Variants in PKNOX2 observed in about 807,000 individuals in gnomAD.
The protein encoded by PKNOX2 is homeobox protein PKNOX2.
PKNOX2 carries 14 observed loss-of-function variants against 53.1 expected under a neutral mutation model. That is an observed-to-expected ratio of 0.26 (90% confidence interval 0.17 to 0.41). The LOEUF is 0.41. Ranked by LOEUF, PKNOX2 falls within the 10% of genes least tolerant of loss-of-function variation. The probability of loss-of-function intolerance (pLI) is 1.00; values close to 1 mark genes in which losing one functional copy is unlikely to be tolerated. For missense variants in PKNOX2, 496 were observed against 602.8 expected, an observed-to-expected ratio of 0.82 and a Z score of 1.85; for synonymous variants, 257 against 242.8, an observed-to-expected ratio of 1.06 and a Z score of -0.54.
intron 2 of PKNOX2, among the ~76,000 whole-genome samples, chr11:125,265,236 G>A (rs1052420242): frequency 1.8e-4 from 27 of 151,520 alleles, no homozygotes; most frequent in African/African-American, 6.3e-4. Flanking sequence ...GCAGTGGGCC[G>A]AGATCGCACC....
At chr11:125,176,875 C>T (rs1452588136) in intron 1 of PKNOX2, among the ~76,000 whole-genome samples, 1 of 152,236 alleles carries the variant, frequency 6.6e-6, no homozygotes, top group African/African-American at 2.4e-5. Flanking sequence ...TCCCACATCC[C>T]CTGTCCCCCT....
intron 2 of PKNOX2, among the ~76,000 whole-genome samples, chr11:125,293,185 T>TAC (rs765058737): frequency 3.3e-5 from 5 of 151,932 alleles, no homozygotes; most frequent in Admixed American, 1.3e-4. Context: ...TAGAAATATT[T>TAC]ACACACACAC....
intron 4 of PKNOX2, among the ~76,000 whole-genome samples, chr11:125,359,161 G>A (rs988770181): frequency 5.1e-5 from 7 of 136,754 alleles, no homozygotes; most frequent in Non-Finnish European, 9.3e-5. Flanking sequence ...ACCATCAGGT[G>A]CGCTCAGGCA....
At chr11:125,201,697 G>C (rs997143125) in intron 1 of PKNOX2, among the ~76,000 whole-genome samples, 1 of 152,196 alleles carries the variant, frequency 6.6e-6, no homozygotes, top group Admixed American at 6.5e-5. Flanking sequence ...GAAAGCCCCA[G>C]ACTTCACCCC....
At chr11:125,377,010 C>T (rs1283518803) in intron 5 of PKNOX2, among the ~76,000 whole-genome samples, 1 of 152,184 alleles carries the variant, frequency 6.6e-6, no homozygotes, top group Non-Finnish European at 1.5e-5. Context: ...GGTTTGTTTT[C>T]CCAGCCAAAT....
intron 10 of PKNOX2, among the ~76,000 whole-genome samples, chr11:125,414,756 A>T (rs577027495): frequency 6.6e-6 from 1 of 152,190 alleles, no homozygotes; most frequent in African/African-American, 2.4e-5. Flanking sequence ...GAAAAAAAAA[A>T]AAAGAAGCTA....
At chr11:125,377,881 C>T (rs181491036) in intron 5 of PKNOX2, among the ~76,000 whole-genome samples, 4 of 152,194 alleles carry the variant, frequency 2.6e-5, no homozygotes, top group African/African-American at 7.2e-5. Context: ...ACCCATGGGC[C>T]GCGGGCTGGA....
intron 2 of PKNOX2, among the ~76,000 whole-genome samples, chr11:125,249,192 T>C (rs1237813840): frequency 6.6e-6 from 1 of 151,818 alleles, no homozygotes; most frequent in Non-Finnish European, 1.5e-5. Context: ...TCTTAGGACA[T>C]GGCAGGCACT....
chr11:125,282,616 C>T (rs1341663976), intron 2 of PKNOX2, among the ~76,000 whole-genome samples: 1 of 152,214 alleles, frequency 6.6e-6, no homozygotes, highest in Non-Finnish European at 1.5e-5. Context: ...TCTCTGTCAT[C>T]CAATGAGGGA....
chr11:125,188,523 G>A (rs940613051), intron 1 of PKNOX2, among the ~76,000 whole-genome samples: 2 of 152,222 alleles, frequency 1.3e-5, no homozygotes, highest in African/African-American at 2.4e-5. Context: ...GTTAACAGAT[G>A]AGTCTGAGAG....
intron 2 of PKNOX2, among the ~76,000 whole-genome samples, chr11:125,324,088 C>T (rs1318589898): frequency 1.3e-5 from 2 of 151,958 alleles, no homozygotes. Flanking sequence ...GAAATGTCAC[C>T]GACTCACCAA....
intron 2 of PKNOX2, among the ~76,000 whole-genome samples, chr11:125,269,957 G>A (rs1945663229): frequency 6.6e-6 from 1 of 152,176 alleles, no homozygotes. Flanking sequence ...TGTGCCAGGT[G>A]TTGTTGTGGG....
At chr11:125,215,399 G>A (rs1009779591) in intron 1 of PKNOX2, among the ~76,000 whole-genome samples, 2 of 151,986 alleles carry the variant, frequency 1.3e-5, no homozygotes, top group Admixed American at 6.5e-5. Flanking sequence ...CCTGTAAAAC[G>A]AGCATAACTT....
At chr11:125,353,007 T>A (rs1951401311) in intron 4 of PKNOX2, among the ~76,000 whole-genome samples, 1 of 152,094 alleles carries the variant, frequency 6.6e-6, no homozygotes. Flanking sequence ...GAGAAGAAGC[T>A]AGGGGCCAGA....
In PKNOX2 at chr11:125,351,333, G is replaced by A; in HGVS notation, c.28G>A (p.Ala10Thr). 6.2e-7 allele frequency: 1 copy of A among 1,608,840 alleles called. No homozygotes were observed. Reference sequence around the variant, plus strand: ...GATGCAACATGCCTCCCCAGCCCCCGCTCTGACGATGATGGCCACGCAGAA... The same window carrying A: ...GATGCAACATGCCTCCCCAGCCCCCACTCTGACGATGATGGCCACGCAGAA... MMQHASPAP[A>T]LTMMATQNVP... Residue 10 changes from alanine (A) to threonine (T), a missense_variant, in exon 4 of 13, where the codon GCT becomes ACT. By Grantham distance (58) the Ala-to-Thr change is moderately conservative. Transcript: ENST00000298282.
intron 2 of PKNOX2, among the ~76,000 whole-genome samples, chr11:125,325,943 C>T (rs1246376278): frequency 1.3e-5 from 2 of 152,210 alleles, no homozygotes; most frequent in Non-Finnish European, 2.9e-5. Flanking sequence ...ACTCTAATAT[C>T]TTTGGCAATG....
At chr11:125,429,811 A>C in intron 11 of PKNOX2, 152 bp from the exon 12 acceptor site, 1 of 855,948 alleles carries the variant, frequency 1.2e-6, no homozygotes, top group Non-Finnish European at 1.8e-6. Flanking sequence ...CTCAGCACCC[A>C]GGGCCCTCCT....
intron 2 of PKNOX2, among the ~76,000 whole-genome samples, chr11:125,276,536 G>T (rs1946172186): frequency 6.6e-6 from 1 of 152,212 alleles, no homozygotes; most frequent in African/African-American, 2.4e-5. Context: ...TTGCAGGATG[G>T]CATGGCCTGA....
intron 2 of PKNOX2, among the ~76,000 whole-genome samples, chr11:125,267,222 C>T (rs1004607607): frequency 3.3e-5 from 5 of 152,304 alleles, no homozygotes; most frequent in Admixed American, 6.5e-5. Flanking sequence ...CAAGCTGGAA[C>T]GACAGTTCTA....
Sources: allele counts gnomAD v4.1 joint callset (sites outside exome capture counted in the v4.1 genomes callset), GRCh38; gene constraint gnomAD v4.1.1; transcripts MANE v1.5; gene names NCBI Gene and HGNC (gene_info 2026-07-23, HGNC 2026-07-21).